Variants in BLOC1S2 observed in about 807,000 individuals in gnomAD.
BLOC1S2 encodes biogenesis of lysosomal organelles complex 1 subunit 2.
A neutral mutation model predicts 19.6 loss-of-function variants in BLOC1S2; 12 were observed. That is an observed-to-expected ratio of 0.61 (90% CI 0.39 to 0.99). BLOC1S2 has a LOEUF of 0.99. Ranked by LOEUF, BLOC1S2 falls within the 50% of genes least tolerant of loss-of-function variation. BLOC1S2 has a pLI of 0.00. For missense variants in BLOC1S2, 142 were observed against 171.0 expected, an observed-to-expected ratio of 0.83 and a Z score of 0.95; for synonymous variants, 66 against 64.1, an observed-to-expected ratio of 1.03 and a Z score of -0.14.
In BLOC1S2 at chr10:100,274,828, CAT is replaced by C; in HGVS notation, c.*632_*633del. ...ACTGATCGCATGTCAATGTGACTCACATAGAAAATAAACAAGAGGGGCCCATC... is the reference window on the plus strand; with the variant it reads ...ACTGATCGCATGTCAATGTGACTCACAGAAAATAAACAAGAGGGGCCCATC... On this transcript the variant is annotated 3_prime_UTR_variant, in exon 5 of 5. Coordinates refer to ENST00000370372, the MANE Select transcript of BLOC1S2 (RefSeq NM_173809.5). 2.5e-6 allele frequency: 1 copy of C among 397,012 alleles called. No homozygotes were observed. The highest frequency in any genetic ancestry group is 4.4e-6 in the Non-Finnish European group (1 of 225,564). The allele number at this position is 397,012 out of a possible 1,614,324, so 24.6% of individuals were successfully genotyped here.
At chr10:100,281,690 A>AT (rs1848106600) in intron 2 of BLOC1S2, among the ~76,000 whole-genome samples, 1 of 100,950 alleles carries the variant, frequency 9.9e-6, no homozygotes, top group Non-Finnish European at 2.1e-5. Flanking sequence ...CTCAAAAAAA[A>AT]AAAATATATA....
chr10:100,281,544 C>T (rs141653839), intron 2 of BLOC1S2, among the ~76,000 whole-genome samples: 337 of 151,866 alleles, frequency 2.2e-3, no homozygotes, highest in African/African-American at 7.1e-3. Context: ...AATTAGCGGG[C>T]GTGGTGGCAG....
At position 100,280,117 on chromosome 10, in the gene BLOC1S2, C is replaced by T. The variant is rs767210186; in HGVS notation, c.397+7G>A. 1.2e-5 allele frequency: 19 copies of T among 1,608,580 alleles called. No individual in the cohort carries two copies. The highest frequency in any genetic ancestry group is 8.0e-5 in the African/African-American group (6 of 74,732). On this transcript the variant is annotated splice_region_variant and intron_variant, in intron 4 of 4. Transcript: ENST00000370372. ...TATTACATCAAAACAGAAGTAAAAA[C>T]GGTTACCCAGTTTTTTTGAATATGC... is the stretch of plus-strand genomic sequence containing the variant.
intron 4 of BLOC1S2, among the ~76,000 whole-genome samples, chr10:100,279,782 G>A (rs1397886247): frequency 1.3e-5 from 2 of 152,140 alleles, no homozygotes; most frequent in African/African-American, 2.4e-5. Context: ...GGCTGAGGCA[G>A]GAGAATCGCT....
chr10:100,277,307 C>T (rs1312443594), intron 4 of BLOC1S2, among the ~76,000 whole-genome samples: 4 of 151,902 alleles, frequency 2.6e-5, no homozygotes, highest in African/African-American at 9.7e-5. Flanking sequence ...CTCCGCCCGG[C>T]AGCCACCCCG....
intron 4 of BLOC1S2, among the ~76,000 whole-genome samples, chr10:100,279,150 T>C (rs538895959): frequency 1.3e-5 from 2 of 152,132 alleles, no homozygotes; most frequent in East Asian, 3.9e-4. Flanking sequence ...CTTTTAACCA[T>C]GTATGTAAGA....
chr10:100,277,554 T>G (rs1456263617), intron 4 of BLOC1S2, among the ~76,000 whole-genome samples: 10 of 65,186 alleles, frequency 1.5e-4, no homozygotes, highest in African/African-American at 3.9e-4. Flanking sequence ...GGGAGGGAGG[T>G]GGGGGGGTCA....
In BLOC1S2 at chr10:100,274,673, C is replaced by T. The variant is rs1292556508; in HGVS notation, c.*789G>A. ...AGTCGATTAGGTCCCTAAGATCCCC[C>T]CAAATCCTACATACACAGTAGGAAG... is the stretch of plus-strand genomic sequence containing the variant. On this transcript the variant is annotated 3_prime_UTR_variant, in exon 5 of 5. Coordinates refer to ENST00000370372, the MANE Select transcript of BLOC1S2 (RefSeq NM_173809.5). 3.6e-6 allele frequency: 1 copy of T among 281,648 alleles called. No homozygotes were observed. Among genetic ancestry groups the T allele is most frequent in the Non-Finnish European group, 6.5e-6 (1 of 152,900 alleles). The allele number at this position is 281,648 out of a possible 1,614,324, so 17.4% of individuals were successfully genotyped here. A position where few individuals can be genotyped will look rare whatever the true frequency, so the allele number is the denominator to read the frequency against.
chr10:100,273,283 G>T (rs1209837894), downstream of BLOC1S2: 3 of 152,036 alleles, frequency 2.0e-5, no homozygotes, highest in African/African-American at 7.2e-5. Context: ...AAATATTAAG[G>T]TGAAGGACAT....
At chr10:100,278,472 AT>A (rs1173824395) in intron 4 of BLOC1S2, among the ~76,000 whole-genome samples, 4 of 152,228 alleles carry the variant, frequency 2.6e-5, no homozygotes, top group Admixed American at 6.5e-5. Context: ...GAGACTTTTC[AT>A]TTTGTTCTGT....
At chr10:100,279,295 C>CTT (rs1429993648) in intron 4 of BLOC1S2, among the ~76,000 whole-genome samples, 8 of 152,340 alleles carry the variant, frequency 5.3e-5, no homozygotes, top group African/African-American at 1.9e-4. Context: ...GGTGCTTCTG[C>CTT]TTTCTCAACT....
rs1455519160 is a variant in BLOC1S2, at chr10:100,286,597, C to G, written c.55+8G>C. 9.3e-6 allele frequency: 15 copies of G among 1,612,876 alleles called. No individual in the cohort carries two copies. The highest frequency in any genetic ancestry group is 1.3e-5 in the Non-Finnish European group (15 of 1,179,334). On this transcript the variant is annotated splice_region_variant and intron_variant, in intron 1 of 4. Coordinates refer to ENST00000370372, the MANE Select transcript of BLOC1S2 (RefSeq NM_173809.5). ...ACCGGACGCTTCCTCCCCATCCATT[C>G]CGGGTACCTCGGGCGGGCTCATCAC...
At chr10:100,276,292 GTCTCCC>G (rs1564870814) in intron 4 of BLOC1S2, among the ~76,000 whole-genome samples, 1 of 130,258 alleles carries the variant, frequency 7.7e-6, no homozygotes, top group Non-Finnish European at 1.8e-5. Context: ...ACTCAGGCCC[GTCTCCC>G]TCTCCATCTC....
At chr10:100,282,348 G>A (rs1021573523) in intron 2 of BLOC1S2, among the ~76,000 whole-genome samples, 10 of 152,124 alleles carry the variant, frequency 6.6e-5, no homozygotes. Context: ...TTGTAGTCTG[G>A]TTTTTGGCCC....
intron 1 of BLOC1S2, 93 bp from the exon 2 acceptor site, chr10:100,286,306 T>C: frequency 6.6e-7 from 1 of 1,520,394 alleles, no homozygotes; most frequent in Non-Finnish European, 8.8e-7. Context: ...CTTGCCTTCA[T>C]TCCATCAAGT....
chr10:100,281,606 C>A (rs1414555335), intron 2 of BLOC1S2, among the ~76,000 whole-genome samples: 1 of 151,424 alleles, frequency 6.6e-6, no homozygotes, highest in Non-Finnish European at 1.5e-5. Flanking sequence ...TTGCTTGAAT[C>A]CAGGAGGCGG....
intron 4 of BLOC1S2, 47 bp downstream of exon 4, chr10:100,280,077 G>A (rs769507760): frequency 6.9e-7 from 1 of 1,442,914 alleles, no homozygotes; most frequent in East Asian, 2.3e-5. Context: ...GAATATGCTG[G>A]CAAGAAGCAG....
chr10:100,275,425 T>TA lies in BLOC1S2; in HGVS notation c.*36dup, dbSNP rs372662182. The TA allele has an allele frequency of 0.017, 19,074 of 1,143,982 alleles. 5 individuals are homozygous for TA. Among genetic ancestry groups the TA allele is most frequent in the South Asian group, 0.028 (1,649 of 59,272 alleles). 70.9% of individuals were successfully genotyped at this position (1,143,982 alleles called of 1,614,324 possible). A position where few individuals can be genotyped will look rare whatever the true frequency, so the allele number is the denominator to read the frequency against. On this transcript the variant is annotated 3_prime_UTR_variant, in exon 5 of 5. Coordinates refer to ENST00000370372, the MANE Select transcript of BLOC1S2 (RefSeq NM_173809.5). Reference sequence around the variant, plus strand: ...GGTTTTATAAGACATTCTTCCACATTAAAAAAAAAAGACTCTGTCCCATAG... The same window carrying TA: ...GGTTTTATAAGACATTCTTCCACATTAAAAAAAAAAAGACTCTGTCCCATAG...
At chr10:100,282,898 T>C (rs1848143629) in intron 2 of BLOC1S2, 1 of 398,520 alleles carries the variant, frequency 2.5e-6, no homozygotes, top group African/African-American at 2.1e-5. Flanking sequence ...TAGCCTAGGC[T>C]CTCTTACCTA....
Sources: gnomAD v4.1 joint callset for allele counts (sites outside exome capture counted in the v4.1 genomes callset) on GRCh38, gnomAD v4.1.1 for gene constraint, MANE v1.5 for transcripts, NCBI Gene and HGNC (gene_info 2026-07-23, HGNC 2026-07-21) for gene names.